Variants in ANO1 observed in about 807,000 individuals in gnomAD.
ANO1 encodes the protein anoctamin 1.
In ANO1, 59 loss-of-function variants were observed where a neutral mutation model predicts 124.0. The ratio of observed to expected loss-of-function variants is 0.48; its 90% confidence interval spans 0.39 to 0.59. ANO1 has a LOEUF of 0.59. ANO1 is among the 20% of genes least tolerant of loss of function. The pLI is 0.00. For synonymous variants in ANO1, 529 were observed against 532.0 expected (o/e 0.99, Z 0.08); for missense variants, 1,059 against 1,328.0 (o/e 0.80, Z 3.15).
chr11:70,003,566 G>A (rs1856423990), intron 1 of ANO1, among the ~76,000 whole-genome samples: 1 of 150,482 alleles, frequency 6.6e-6, no homozygotes, highest in African/African-American at 2.5e-5. Flanking sequence ...ACAGAGCTGG[G>A]GCTTAATAAA....
chr11:70,130,911 G>A (rs2046730952), intron 10 of ANO1, among the ~76,000 whole-genome samples: 1 of 152,214 alleles, frequency 6.6e-6, no homozygotes, highest in African/African-American at 2.4e-5. Context: ...TGTGTCCAGA[G>A]CACCCAGGCC....
chr11:69,985,092 C>T (rs1223868622), upstream of ANO1, among the ~76,000 whole-genome samples: 1 of 152,172 alleles, frequency 6.6e-6, no homozygotes, highest in African/African-American at 2.4e-5. Context: ...CTAAACCCCA[C>T]AGGGCTGGAG....
chr11:69,971,947 G>T, the ANO1 span, among the ~76,000 whole-genome samples: 1 of 152,088 alleles, frequency 6.6e-6, no homozygotes, highest in Non-Finnish European at 1.5e-5. Context: ...GAGGCTGGGC[G>T]CGGTGGCTCA....
At position 70,139,892 on chromosome 11, in the gene ANO1, C is replaced by T. The variant is rs148353515; in HGVS notation, c.1258+7813C>T. ...GGCATTACTAACTGGCTCCGGCTGG[C>T]GTGTGTGCTGAACACGTGCCTTGCT... is the stretch of plus-strand genomic sequence containing the variant. On this transcript the variant is annotated intron_variant, in intron 11 of 25. Coordinates refer to ENST00000355303, the MANE Select transcript of ANO1 (RefSeq NM_018043.7). Among the ~76,000 whole-genome samples the T allele has an allele frequency of 5.6e-3, 858 of 152,316 alleles. 16 individuals carry two copies. The highest frequency in any genetic ancestry group is 0.02 in the African/African-American group (811 of 41,574).
At chr11:70,140,013 C>T (rs1336285230) in intron 11 of ANO1, among the ~76,000 whole-genome samples, 1 of 152,186 alleles carries the variant, frequency 6.6e-6, no homozygotes, top group Non-Finnish European at 1.5e-5. Flanking sequence ...TTGGGAGCTG[C>T]GCTGAGGACT....
chr11:70,162,077 G>GCCCCGGGCAGTGAGGA (rs367854183), intron 18 of ANO1, among the ~76,000 whole-genome samples: 2,300 of 148,790 alleles, frequency 0.015, 56 homozygotes, highest in African/African-American at 0.043. Context: ...GGCAGTGAGG[G>GCCCCGGGCAGTGAGGA]CCCCGGGCAG....
chr11:69,969,185 G>A, the ANO1 span, among the ~76,000 whole-genome samples: 26 of 152,206 alleles, frequency 1.7e-4, no homozygotes, highest in Admixed American at 2.6e-4. Context: ...CATAGGGGCC[G>A]GGGTGCACAG....
rs576109719 is a variant in ANO1, at chr11:70,145,052, C to T, written c.1259-4658C>T. Among the ~76,000 whole-genome samples, 20 of 152,274 alleles carry T rather than the reference C, an allele frequency of 1.3e-4. No individual in the cohort carries two copies. In the Middle Eastern group the frequency reaches 0.01, roughly 78 times the overall value. On this transcript the variant is annotated intron_variant, in intron 11 of 25. Transcript: ENST00000355303. ...GGCAAGGAGGACCAGGATTGGGACCCTCGGAGGGCAGGAATCGGAACTCGT... is the reference window on the plus strand; with the variant it reads ...GGCAAGGAGGACCAGGATTGGGACCTTCGGAGGGCAGGAATCGGAACTCGT...
intron 11 of ANO1, among the ~76,000 whole-genome samples, chr11:70,144,941 GGGGATCAGGCGT>G (rs1400235923): frequency 1.3e-5 from 2 of 152,198 alleles, no homozygotes; most frequent in Non-Finnish European, 2.9e-5. Context: ...CAGGATCCGA[GGGGATCAGGCGT>G]GGGAAAGCAC....
intron 3 of ANO1, among the ~76,000 whole-genome samples, 190 bp from the exon 4 acceptor site, chr11:70,103,809 C>T (rs561488840): frequency 2.6e-5 from 4 of 152,116 alleles, no homozygotes; most frequent in East Asian, 1.9e-4. Context: ...TTTGGCTGGG[C>T]GCTCCTGAAA....
At chr11:70,133,495 C>A (rs565938315) in intron 11 of ANO1, among the ~76,000 whole-genome samples, 37 of 152,300 alleles carry the variant, frequency 2.4e-4, no homozygotes, top group Non-Finnish European at 5.0e-4. Flanking sequence ...TGCACAGAAG[C>A]ACCCAGCAGG....
the ANO1 span, among the ~76,000 whole-genome samples, chr11:69,968,430 G>T: frequency 1.8e-4 from 27 of 152,348 alleles, no homozygotes; most frequent in East Asian, 4.2e-3. Flanking sequence ...GAGCAAATTC[G>T]CTGGAAAAGA....
chr11:70,136,241 G>A (rs1413609964), intron 11 of ANO1, among the ~76,000 whole-genome samples: 1 of 152,190 alleles, frequency 6.6e-6, no homozygotes, highest in East Asian at 1.9e-4. Flanking sequence ...ACCTGGGCCT[G>A]ATTCCCAGGG....
At chr11:70,079,236 A>T (rs1211897693) in intron 1 of ANO1, among the ~76,000 whole-genome samples, 1 of 152,060 alleles carries the variant, frequency 6.6e-6, no homozygotes, top group Non-Finnish European at 1.5e-5. Context: ...CCGAGTCCTC[A>T]CTTGCCAGAA....
chr11:70,006,326 C>T (rs1856481130), intron 1 of ANO1, among the ~76,000 whole-genome samples: 1 of 152,174 alleles, frequency 6.6e-6, no homozygotes, highest in Non-Finnish European at 1.5e-5. Context: ...TTTTATCCCT[C>T]ATGGCTTCTT....
upstream of ANO1, among the ~76,000 whole-genome samples, chr11:70,075,749 A>G (rs1039826086): frequency 1.5e-4 from 23 of 152,246 alleles, no homozygotes; most frequent in Admixed American, 1.5e-3. Context: ...GCCCCCACGT[A>G]TAAGCAGTTA....
At chr11:70,167,211 A>C (rs768813342) in intron 20 of ANO1, 31 bp from the exon 21 acceptor site, 1 of 1,611,582 alleles carries the variant, frequency 6.2e-7, no homozygotes, top group Non-Finnish European at 8.5e-7. Flanking sequence ...ACCCTCCTGC[A>C]AACCTAACTG....
chr11:70,180,094 C>T (rs750156715), intron 23 of ANO1, 38 bp downstream of exon 23: 14 of 1,587,478 alleles, frequency 8.8e-6, no homozygotes, highest in East Asian at 4.5e-5. Context: ...ATGGAAGTCC[C>T]GGCTGAACTG....
At chr11:69,968,715 A>G in the ANO1 span, among the ~76,000 whole-genome samples, 4 of 152,162 alleles carry the variant, frequency 2.6e-5, no homozygotes, top group Non-Finnish European at 5.9e-5. Context: ...ACTCACACCT[A>G]GAGGGCATGA....
Sources: gnomAD v4.1 joint callset for allele counts (sites outside exome capture counted in the v4.1 genomes callset) on GRCh38, gnomAD v4.1.1 for gene constraint, MANE v1.5 for transcripts, NCBI Gene and HGNC (gene_info 2026-07-23, HGNC 2026-07-21) for gene names.